ARID4B: variants seen among roughly 807,000 people sequenced by gnomAD.
The protein encoded by ARID4B is AT-rich interactive domain-containing protein 4B.
In ARID4B, 26 loss-of-function variants were observed where a neutral mutation model predicts 147.5. The observed-to-expected ratio is 0.18, with a 90% CI of 0.13 to 0.24. The LOEUF (loss-of-function observed/expected upper bound fraction) is 0.24, where lower values mean the gene tolerates loss of function less well. ARID4B is among the 10% of genes least tolerant of loss of function. The pLI is 1.00. For synonymous variants in ARID4B, 512 were observed against 507.9 expected (o/e 1.01, Z -0.11); for missense variants, 1,179 against 1,511.5 (o/e 0.78, Z 3.65).
intron 5 of ARID4B, among the ~76,000 whole-genome samples, chr1:235,255,267 A>AGATCGATCTATCTATC (rs1553304359): frequency 5.1e-5 from 7 of 137,154 alleles, no homozygotes; most frequent in African/African-American, 1.9e-4. Context: ...AGATAGATAT[A>AGATCGATCTATCTATC]TATCTCTCTC....
Position 235,234,485 on chromosome 1 carries a change from C to A in ARID4B, c.593G>T (p.Cys198Phe). 1 of 1,602,602 alleles carries A rather than the reference C, an allele frequency of 6.2e-7. No homozygotes were observed. The highest frequency in any genetic ancestry group is 8.5e-7 in the Non-Finnish European group (1 of 1,171,890). Residue 198 changes from cysteine (C) to phenylalanine (F), a missense_variant, in exon 9 of 24, where the codon TGT becomes TTT. Physicochemically the swap from Cys to Phe is radical, Grantham distance 205 (BLOSUM62 -2). Coordinates refer to ENST00000264183, the MANE Select transcript of ARID4B (RefSeq NM_016374.6). ...KALWFPALVV[C>F]PDCSDEIAVK... is the part of the protein sequence containing the mutation. Reference sequence around the variant, plus strand: ...AGCAATCTCATCACTACAATCAGGACAAACCACCTTTTAAGAAAAAGGGTG... The same window carrying A: ...AGCAATCTCATCACTACAATCAGGAAAAACCACCTTTTAAGAAAAAGGGTG...
chr1:235,231,092 T>A, intron 10 of ARID4B, 21 bp downstream of exon 10: 2 of 1,511,464 alleles, frequency 1.3e-6, no homozygotes, highest in African/African-American at 2.8e-5. Flanking sequence ...TACTTGTAAT[T>A]TATTCCAAGA....
intron 2 of ARID4B, among the ~76,000 whole-genome samples, chr1:235,295,382 T>C (rs547582455): frequency 6.6e-6 from 1 of 151,992 alleles, no homozygotes; most frequent in Non-Finnish European, 1.5e-5. Context: ...TGGTGGCACG[T>C]GCCTGTAATC....
Position 235,213,984 on chromosome 1 carries a change from T to A in ARID4B, c.1626A>T (p.Ala542=). The A allele has an allele frequency of 6.3e-7, 1 of 1,591,214 alleles. No homozygotes were observed. The highest frequency in any genetic ancestry group is 8.6e-7 in the Non-Finnish European group (1 of 1,159,414). The part of the protein sequence containing the change: ...NKEEDEDDEE[A]EEEEEEEEEE... ...CTTCTTCCTCCTCCTCCTCCTCTTC[T>A]GCTTCTTCATCATCTTCATCTTCTT... Residue 542 remains alanine, a synonymous_variant, in exon 17 of 24, where the codon GCA becomes GCT. Transcript: ENST00000264183.
chr1:235,242,359 A>G (rs563409358), intron 7 of ARID4B, among the ~76,000 whole-genome samples: 2 of 152,340 alleles, frequency 1.3e-5, no homozygotes, highest in African/African-American at 4.8e-5. Context: ...TTAGTGGAGA[A>G]TAAGACCCTA....
rs114550552 is a variant in ARID4B at position 235,234,252 on chromosome 1, T to A, written c.665+161A>T. On this transcript the variant is annotated intron_variant, in intron 9 of 23. Coordinates refer to ENST00000264183, the MANE Select transcript of ARID4B (RefSeq NM_016374.6). ...AACATACTATAAGACTACAACACAT[T>A]AAGATAATATGAAAAACAGTGACTC... Among the ~76,000 whole-genome samples the A allele has an allele frequency of 4.5e-3, 687 of 152,226 alleles. 8 individuals carry two copies. The highest frequency in any genetic ancestry group is 0.016 in the African/African-American group (652 of 41,548).
chr1:235,323,892 A>G (rs1014452572), intron 2 of ARID4B, among the ~76,000 whole-genome samples: 1 of 150,502 alleles, frequency 6.6e-6, no homozygotes, highest in African/African-American at 2.4e-5. Context: ...GCTGATTTTT[A>G]TTTTATTTTA....
At chr1:235,302,742 G>A (rs1673271392) in intron 2 of ARID4B, among the ~76,000 whole-genome samples, 1 of 152,120 alleles carries the variant, frequency 6.6e-6, no homozygotes, top group African/African-American at 2.4e-5. Context: ...TAGAGGCCAT[G>A]CTAAATGCTT....
At chr1:235,183,667 G>A (rs540543480) in intron 19 of ARID4B, among the ~76,000 whole-genome samples, 37 of 152,184 alleles carry the variant, frequency 2.4e-4, no homozygotes, top group Non-Finnish European at 4.0e-4. Flanking sequence ...TTCCTGAGTA[G>A]CTGGGATCAC....
chr1:235,201,983 GGTT>G (rs1218600838), intron 17 of ARID4B, among the ~76,000 whole-genome samples: 5 of 150,446 alleles, frequency 3.3e-5, no homozygotes, highest in Non-Finnish European at 5.9e-5. Flanking sequence ...AGGTAGACTG[GGTT>G]GTTATTTTAT....
chr1:235,232,228 T>C (rs2103051854), intron 9 of ARID4B, among the ~76,000 whole-genome samples: 1 of 152,150 alleles, frequency 6.6e-6, no homozygotes, highest in South Asian at 2.1e-4. Flanking sequence ...AAGACCAGCC[T>C]GACCAACATG....
chr1:235,281,194 G>A (rs964673358), intron 2 of ARID4B, among the ~76,000 whole-genome samples: 1 of 152,126 alleles, frequency 6.6e-6, no homozygotes, highest in South Asian at 2.1e-4. Context: ...GCCAAGGCGG[G>A]TGGATCACTT....
chr1:235,224,559 T>C (rs989002497), intron 12 of ARID4B, 144 bp downstream of exon 12: 2 of 643,988 alleles, frequency 3.1e-6, no homozygotes, highest in Non-Finnish European at 5.6e-6. Context: ...GGCGCTATGC[T>C]AGGTGCTGGT....
At chr1:235,212,487 T>TTGCTA (rs1420160231) in intron 17 of ARID4B, among the ~76,000 whole-genome samples, 3 of 152,162 alleles carry the variant, frequency 2.0e-5, no homozygotes, top group Non-Finnish European at 4.4e-5. Flanking sequence ...TATTTGCTAT[T>TTGCTA]TGCTATTTTC....
chr1:235,238,130 C>T (rs1222739931), intron 8 of ARID4B, among the ~76,000 whole-genome samples: 1 of 104,362 alleles, frequency 9.6e-6, no homozygotes, highest in Non-Finnish European at 1.9e-5. Context: ...GCAACAAGGG[C>T]GAAACTCCAT....
intron 2 of ARID4B, among the ~76,000 whole-genome samples, chr1:235,307,926 G>A (rs1348696263): frequency 1.3e-5 from 2 of 151,848 alleles, no homozygotes; most frequent in Admixed American, 6.6e-5. Flanking sequence ...TGAGCTCCTG[G>A]GCTCAAGCTC....
At position 235,192,170 on chromosome 1, in the gene ARID4B, A is replaced by G. The variant is rs573734906; in HGVS notation, c.2125+1843T>C. Among the ~76,000 whole-genome samples the G allele has an allele frequency of 7.9e-5, 12 of 152,344 alleles. No individual in the cohort carries two copies. The South Asian group carries it at 2.3e-3, about 29-fold the overall frequency. On this transcript the variant is annotated intron_variant, in intron 19 of 23. Coordinates refer to ENST00000264183, the MANE Select transcript of ARID4B (RefSeq NM_016374.6). Reference sequence around the variant, plus strand: ...GATAATTCAATTCTGAAGAAAAGTAAAGCAAGGATTACACAAAAGTCCAGA... The same window carrying G: ...GATAATTCAATTCTGAAGAAAAGTAGAGCAAGGATTACACAAAAGTCCAGA...
intron 2 of ARID4B, among the ~76,000 whole-genome samples, chr1:235,296,656 T>C (rs1672734982): frequency 6.6e-6 from 1 of 151,212 alleles, no homozygotes; most frequent in Non-Finnish European, 1.5e-5. Context: ...GACAGGGTTT[T>C]GCCATGTTGC....
chr1:235,215,003 A>G (rs1234847822), intron 16 of ARID4B, among the ~76,000 whole-genome samples: 1 of 151,708 alleles, frequency 6.6e-6, no homozygotes, highest in Admixed American at 6.6e-5. Flanking sequence ...CACCACACCC[A>G]GCTAATTTTT....
Sources: gnomAD v4.1 joint callset for allele counts (sites outside exome capture counted in the v4.1 genomes callset) on GRCh38, gnomAD v4.1.1 for gene constraint, MANE v1.5 for transcripts, NCBI Gene and HGNC (gene_info 2026-07-23, HGNC 2026-07-21) for gene names.